The following KCND2 variants were observed in gnomAD, a reference collection of about 807,000 sequenced individuals.
The protein encoded by KCND2 is A-type voltage-gated potassium channel KCND2.
Under a neutral mutation model 54.4 loss-of-function variants are expected in KCND2, and 16 were observed. The observed-to-expected ratio is 0.29, with a 90% CI of 0.20 to 0.45. The LOEUF (loss-of-function observed/expected upper bound fraction) is 0.45, where lower values mean the gene tolerates loss of function less well. Ranked by LOEUF, KCND2 falls within the 20% of genes least tolerant of loss-of-function variation. The probability of loss-of-function intolerance (pLI) is 1.00; values close to 1 mark genes in which losing one functional copy is unlikely to be tolerated. For synonymous variants in KCND2, 317 were observed against 310.7 expected, an observed-to-expected ratio of 1.02 and a Z score of -0.21; for missense variants, 486 against 824.2, an observed-to-expected ratio of 0.59 and a Z score of 5.02.
chr7:120,677,427 A>G (rs924970858), intron 1 of KCND2, among the ~76,000 whole-genome samples: 1 of 151,984 alleles, frequency 6.6e-6, no homozygotes, highest in African/African-American at 2.4e-5. Flanking sequence ...CAAAGGTTCC[A>G]TATCCAGCTA....
chr7:120,418,979 G>C (rs1363437332), intron 1 of KCND2, among the ~76,000 whole-genome samples: 1 of 152,156 alleles, frequency 6.6e-6, no homozygotes, highest in Non-Finnish European at 1.5e-5. Flanking sequence ...GTTGGTTTCT[G>C]CTGAATATTG....
chr7:120,545,792 G>C (rs1471718170), intron 1 of KCND2, among the ~76,000 whole-genome samples: 1 of 151,438 alleles, frequency 6.6e-6, no homozygotes, highest in African/African-American at 2.4e-5. Flanking sequence ...AATATTTGGA[G>C]GGAGTTATAG....
intron 1 of KCND2, among the ~76,000 whole-genome samples, chr7:120,407,060 G>GA (rs372804158): frequency 4.0e-5 from 6 of 149,838 alleles, no homozygotes; most frequent in Admixed American, 6.7e-5. Context: ...AATTCTCAAT[G>GA]AAAAAAAAAA....
intron 1 of KCND2, among the ~76,000 whole-genome samples, chr7:120,534,469 A>G (rs1381560862): frequency 6.6e-6 from 1 of 152,050 alleles, no homozygotes; most frequent in Non-Finnish European, 1.5e-5. Context: ...ATCTAAACAA[A>G]CAAACAAAAT....
intron 1 of KCND2, among the ~76,000 whole-genome samples, chr7:120,652,664 A>G (rs555260858): frequency 1.7e-4 from 26 of 152,302 alleles, no homozygotes; most frequent in African/African-American, 5.8e-4. Flanking sequence ...ATTGGATTAC[A>G]TATGGGATAA....
intron 1 of KCND2, among the ~76,000 whole-genome samples, chr7:120,573,389 C>A (rs1792389429): frequency 6.6e-6 from 1 of 152,184 alleles, no homozygotes; most frequent in South Asian, 2.1e-4. Context: ...AAGTCTCTAT[C>A]AGAGATATGG....
At chr7:120,483,846 A>G (rs1219949872) in intron 1 of KCND2, among the ~76,000 whole-genome samples, 2 of 152,196 alleles carry the variant, frequency 1.3e-5, no homozygotes, top group African/African-American at 4.8e-5. Flanking sequence ...GAGTGTATAA[A>G]ATTGTTTCTA....
chr7:120,338,419 GT>G (rs1426452588), intron 1 of KCND2, among the ~76,000 whole-genome samples: 3 of 151,760 alleles, frequency 2.0e-5, no homozygotes, highest in Non-Finnish European at 2.9e-5. Context: ...TAAGGGCTTT[GT>G]TTTTTATCTA....
chr7:120,555,535 A>G (rs773440817), intron 1 of KCND2, among the ~76,000 whole-genome samples: 1 of 152,192 alleles, frequency 6.6e-6, no homozygotes, highest in Admixed American at 6.5e-5. Context: ...TGTCAGGTCA[A>G]CTTCTTGCAA....
At chr7:120,686,776 A>C (rs1792206934) in intron 1 of KCND2, among the ~76,000 whole-genome samples, 1 of 152,034 alleles carries the variant, frequency 6.6e-6, no homozygotes, top group Admixed American at 6.6e-5. Flanking sequence ...TTACCAGTTG[A>C]GTGTTCCTAG....
chr7:120,301,566 T>C (rs1381485933), intron 1 of KCND2, among the ~76,000 whole-genome samples: 2 of 152,184 alleles, frequency 1.3e-5, no homozygotes, highest in Non-Finnish European at 2.9e-5. Context: ...TGCATACTTT[T>C]TTATAAATAA....
At chr7:120,590,639 C>G (rs1184002145) in intron 1 of KCND2, among the ~76,000 whole-genome samples, 2 of 152,148 alleles carry the variant, frequency 1.3e-5, no homozygotes, top group Non-Finnish European at 2.9e-5. Context: ...GAGCTTTCAT[C>G]TGATTCTCAA....
intron 1 of KCND2, among the ~76,000 whole-genome samples, chr7:120,419,102 G>A (rs1801569979): frequency 6.6e-6 from 1 of 152,098 alleles, no homozygotes; most frequent in Admixed American, 6.5e-5. Flanking sequence ...GCAAATCTCT[G>A]CATTTATATT....
At chr7:120,374,384 A>G (rs1039014781) in intron 1 of KCND2, among the ~76,000 whole-genome samples, 1 of 151,688 alleles carries the variant, frequency 6.6e-6, no homozygotes, top group Non-Finnish European at 1.5e-5. Flanking sequence ...CTTTTTTTGT[A>G]CAATCTAGTT....
chr7:120,297,924 T>A (rs933808181), intron 1 of KCND2, among the ~76,000 whole-genome samples: 3 of 152,188 alleles, frequency 2.0e-5, no homozygotes, highest in Non-Finnish European at 4.4e-5. Flanking sequence ...CCAGTAGAAC[T>A]TTCTGTGATG....
At chr7:120,723,162 C>G (rs1792690119) in intron 1 of KCND2, among the ~76,000 whole-genome samples, 1 of 152,146 alleles carries the variant, frequency 6.6e-6, no homozygotes, top group East Asian at 1.9e-4. Context: ...AAGATGAAAC[C>G]TCTTGGGACG....
rs1482699585 is a variant in KCND2, at chr7:120,745,909, C to T, written c.1597C>T (p.Arg533Ter). Reference protein sequence around the residue: ...QGVTSTCCSRRHKKTFRIPNA... With the variant: ...QGVTSTCCSR Reference sequence around the variant, plus strand: ...AGTCACCAGCACCTGCTGTTCACGACGACACAAAAAAACTTTTCGCATCCC... The same window carrying T: ...AGTCACCAGCACCTGCTGTTCACGATGACACAAAAAAACTTTTCGCATCCC... The change falls in exon 5 of 6, where the codon CGA becomes TGA. Residue 533 changes from arginine to a stop codon, truncating the protein, a stop_gained. Coordinates refer to ENST00000331113, the MANE Select transcript of KCND2 (RefSeq NM_012281.3). LOFTEE classifies it high-confidence loss of function. 2 of 1,613,832 alleles carry T rather than the reference C, an allele frequency of 1.2e-6. No individual in the cohort carries two copies. Among genetic ancestry groups the T allele is most frequent in the South Asian group, 1.1e-5 (1 of 91,068 alleles).
At chr7:120,694,805 G>T (rs1421168152) in intron 1 of KCND2, among the ~76,000 whole-genome samples, 1 of 152,080 alleles carries the variant, frequency 6.6e-6, no homozygotes, top group Non-Finnish European at 1.5e-5. Context: ...CCCATTACCT[G>T]TCTGTGCAGT....
At chr7:120,723,260 G>A (rs1249449593) in intron 1 of KCND2, among the ~76,000 whole-genome samples, 2 of 152,144 alleles carry the variant, frequency 1.3e-5, no homozygotes, top group Non-Finnish European at 2.9e-5. Flanking sequence ...TGATTTACTT[G>A]ATGGACTAAT....
Sources: allele counts gnomAD v4.1 joint callset (sites outside exome capture counted in the v4.1 genomes callset), GRCh38; gene constraint gnomAD v4.1.1; transcripts MANE v1.5; gene names NCBI Gene and HGNC (gene_info 2026-07-23, HGNC 2026-07-21).